The following ANKRD17 variants were observed in gnomAD, a reference collection of about 807,000 sequenced individuals.
ANKRD17 encodes ankyrin repeat domain 17.
In ANKRD17, 19 loss-of-function variants were observed where a neutral mutation model predicts 229.7. The ratio of observed to expected loss-of-function variants is 0.08; its 90% CI spans 0.06 to 0.12. The LOEUF is 0.12. ANKRD17 is among the 10% of genes least tolerant of loss of function. The probability of loss-of-function intolerance (pLI) is 1.00; values close to 1 mark genes in which losing one functional copy is unlikely to be tolerated. For missense variants in ANKRD17, 2,176 were observed against 3,176.8 expected (o/e 0.68, Z 7.57); for synonymous variants, 1,112 against 1,146.1 (o/e 0.97, Z 0.60).
At chr4:73,077,293 T>C in intron 32 of ANKRD17, 62 bp downstream of exon 32, 1 of 1,488,280 alleles carries the variant, frequency 6.7e-7, no homozygotes. Context: ...ATGCCTACTA[T>C]ATTCAAAACA....
chr4:73,208,188 C>CAAAAAAAAA (rs36126530), intron 1 of ANKRD17, among the ~76,000 whole-genome samples: 2 of 67,958 alleles, frequency 2.9e-5, no homozygotes, highest in African/African-American at 5.4e-5. Context: ...GACTCCGTCT[C>CAAAAAAAAA]AAAAAAAAAA....
intron 1 of ANKRD17, among the ~76,000 whole-genome samples, chr4:73,233,151 T>C (rs1743213521): frequency 6.6e-6 from 1 of 152,176 alleles, no homozygotes; most frequent in South Asian, 2.1e-4. Flanking sequence ...AAAATACATG[T>C]TACATCATTA....
chr4:73,206,414 G>C (rs866107411), intron 1 of ANKRD17, among the ~76,000 whole-genome samples: 2 of 145,826 alleles, frequency 1.4e-5, no homozygotes, highest in Admixed American at 1.4e-4. Flanking sequence ...AAGAGAGAGA[G>C]AGAAAGAAAG....
chr4:73,180,376 G>C (rs1450158671), intron 1 of ANKRD17, among the ~76,000 whole-genome samples: 2 of 152,166 alleles, frequency 1.3e-5, no homozygotes, highest in Admixed American at 1.3e-4. Flanking sequence ...TTAGATCACA[G>C]AAGATATCAA....
chr4:73,174,129 GGAAGGAAGGAA>G (rs1339897544), intron 2 of ANKRD17, among the ~76,000 whole-genome samples: 1 of 150,474 alleles, frequency 6.6e-6, no homozygotes, highest in Non-Finnish European at 1.5e-5. Flanking sequence ...AAGGAAGGAA[GGAAGGAAGGAA>G]GAAAACTACA....
intron 16 of ANKRD17, among the ~76,000 whole-genome samples, chr4:73,134,842 TAAATA>T (rs1728689542): frequency 2.0e-5 from 3 of 152,160 alleles, no homozygotes; most frequent in African/African-American, 7.2e-5. Context: ...GCACTAATCT[TAAATA>T]AATTATTTTT....
chr4:73,173,097 G>A (rs1734259042), intron 2 of ANKRD17, among the ~76,000 whole-genome samples: 1 of 151,968 alleles, frequency 6.6e-6, no homozygotes, highest in Non-Finnish European at 1.5e-5. Context: ...CACACAGAGT[G>A]AAAATAAAGG....
At chr4:73,161,420 A>G in intron 2 of ANKRD17, 72 bp from the exon 3 acceptor site, 1 of 1,490,328 alleles carries the variant, frequency 6.7e-7, no homozygotes, top group Non-Finnish European at 9.2e-7. Context: ...AGTTACTTAA[A>G]GCTATACTGT....
chr4:73,221,645 T>C (rs1176786516), intron 1 of ANKRD17, among the ~76,000 whole-genome samples: 1 of 152,148 alleles, frequency 6.6e-6, no homozygotes, highest in Non-Finnish European at 1.5e-5. Context: ...TTGATGAAAG[T>C]TTATACTACT....
intron 1 of ANKRD17, among the ~76,000 whole-genome samples, chr4:73,196,696 C>T (rs1055141047): frequency 6.0e-4 from 92 of 152,080 alleles, no homozygotes; most frequent in African/African-American, 2.1e-3. Context: ...ATCCATTCAG[C>T]AACTATTTTA....
intron 1 of ANKRD17, among the ~76,000 whole-genome samples, chr4:73,215,344 C>T (rs958770933): frequency 3.3e-5 from 5 of 151,924 alleles, no homozygotes; most frequent in African/African-American, 1.2e-4. Context: ...ACTGCAACCT[C>T]CGCCTCGCGG....
chr4:73,204,758 C>T (rs1184722145), intron 1 of ANKRD17, among the ~76,000 whole-genome samples: 1 of 151,942 alleles, frequency 6.6e-6, no homozygotes, highest in Admixed American at 6.6e-5. Flanking sequence ...AATATACTGT[C>T]GTAAGGTTCT....
intron 1 of ANKRD17, among the ~76,000 whole-genome samples, chr4:73,198,684 A>G (rs949721183): frequency 6.6e-6 from 1 of 152,210 alleles, no homozygotes; most frequent in African/African-American, 2.4e-5. Flanking sequence ...CTCTTACTAT[A>G]CTACAGCTTT....
intron 2 of ANKRD17, among the ~76,000 whole-genome samples, chr4:73,171,178 G>GGAGAGAGAGAGAGAGAGAGAGAGAGA (rs56882212): frequency 2.9e-5 from 3 of 104,498 alleles, no homozygotes; most frequent in African/African-American, 4.0e-5. Flanking sequence ...CTCAGAGGGG[G>GGAGAGAGAGAGAGAGAGAGAGAGAGA]GAGAGAGAGA....
Position 73,098,532 on chromosome 4 carries a change from G to A in ANKRD17, c.4574-12C>T. On this transcript the variant is annotated splice_polypyrimidine_tract_variant and intron_variant, in intron 25 of 33. Transcript: ENST00000358602. ...GACTTCAGGCTCATCTGTAAAAGTA[G>A]CAATACTGAATTAGCAAGTTCTAAG... 6.2e-7 allele frequency: 1 copy of A among 1,603,712 alleles called. No homozygotes were observed.
chr4:73,227,530 A>C (rs929984522), intron 1 of ANKRD17, among the ~76,000 whole-genome samples: 4 of 152,184 alleles, frequency 2.6e-5, no homozygotes, highest in African/African-American at 9.7e-5. Context: ...ACTTTTCATT[A>C]TTTTGCCAAC....
At chr4:73,248,596 T>C (rs1216602657) in intron 1 of ANKRD17, among the ~76,000 whole-genome samples, 1 of 152,000 alleles carries the variant, frequency 6.6e-6, no homozygotes, top group Non-Finnish European at 1.5e-5. Context: ...GATAAAACTA[T>C]TAGCTAATAA....
intron 1 of ANKRD17, among the ~76,000 whole-genome samples, chr4:73,231,830 A>G (rs1743077029): frequency 6.6e-6 from 1 of 152,202 alleles, no homozygotes; most frequent in African/African-American, 2.4e-5. Context: ...AACGGCTGAT[A>G]GTTTAATCAA....
rs1157719883 is a variant in ANKRD17 at position 73,226,389 on chromosome 4, GTTTTTTTTTTT to G, written c.393+31876_393+31886del. Among the ~76,000 whole-genome samples the G allele has an allele frequency of 5.5e-4, 48 of 87,628 alleles. No homozygotes were observed. The Admixed American group carries it at 6.6e-3, about 12-fold the overall frequency. The allele number at this position is 87,628 out of a possible 152,430, so 57.5% of individuals were successfully genotyped here. Reference sequence around the variant, plus strand: ...TAATAGTAATAATTTCTTTTCTTCTGTTTTTTTTTTTTTTTTTTTTTTTGAGACGGAGTCTC... The same window carrying G: ...TAATAGTAATAATTTCTTTTCTTCTGTTTTTTTTTTTTGAGACGGAGTCTC... On this transcript the variant is annotated intron_variant, in intron 1 of 33. Coordinates refer to ENST00000358602, the MANE Select transcript of ANKRD17 (RefSeq NM_032217.5).
Sources: gnomAD v4.1 joint callset for allele counts (sites outside exome capture counted in the v4.1 genomes callset) on GRCh38, gnomAD v4.1.1 for gene constraint, MANE v1.5 for transcripts, NCBI Gene and HGNC (gene_info 2026-07-23, HGNC 2026-07-21) for gene names.